Variants in CAPN3 observed in about 807,000 individuals in gnomAD.
The protein encoded by CAPN3 is calpain 3.
Under a neutral mutation model 114.0 loss-of-function variants are expected in CAPN3, and 88 were observed. The observed-to-expected ratio is 0.77, with a 90% CI of 0.65 to 0.92. The LOEUF is 0.92. Ranked by LOEUF, CAPN3 falls within the 40% of genes least tolerant of loss-of-function variation. The pLI, the probability that CAPN3 is intolerant of heterozygous loss-of-function variation, is 0.00. For missense variants in CAPN3, 1,028 were observed against 1,069.0 expected, an observed-to-expected ratio of 0.96 and a Z score of 0.53; for synonymous variants, 386 against 382.9, an observed-to-expected ratio of 1.01 and a Z score of -0.09.
chr15:42,395,527 G>A (rs1470006395), intron 8 of CAPN3, among the ~76,000 whole-genome samples: 2 of 152,184 alleles, frequency 1.3e-5, no homozygotes, highest in Non-Finnish European at 2.9e-5. Flanking sequence ...GGGAGGCGTA[G>A]AGAAAGGTTA....
chr15:42,394,449 C>A, intron 8 of CAPN3, 108 bp downstream of exon 8: 1 of 902,162 alleles, frequency 1.1e-6, no homozygotes, highest in Non-Finnish European at 1.8e-6. Context: ...GGTATAAAAT[C>A]ACCCTCAAAA....
chr15:42,408,839 T>C (rs1402126203), intron 16 of CAPN3: 1 of 281,320 alleles, frequency 3.6e-6, no homozygotes, highest in African/African-American at 2.2e-5. Flanking sequence ...GGGGCCCCTC[T>C]TCTATCCAGG....
At position 42,392,660 on chromosome 15, in the gene CAPN3, G is replaced by A; in HGVS notation, c.967G>A (p.Glu323Lys). The part of the protein sequence containing the change: ...PTRTIIPVQY[E>K]TRMACGLVRG... Reference sequence around the variant, plus strand: ...ACAGACAATCATTCCGGTTCAGTATGAGACAAGAATGGCCTGCGGGCTGGT... The same window carrying A: ...ACAGACAATCATTCCGGTTCAGTATAAGACAAGAATGGCCTGCGGGCTGGT... Residue 323 changes from glutamate to lysine, a missense_variant, in exon 7 of 24, where the codon GAG becomes AAG. By Grantham distance (56) the Glu-to-Lys change is moderately conservative (BLOSUM62 1). Coordinates refer to ENST00000397163, the MANE Select transcript of CAPN3 (RefSeq NM_000070.3). 6.2e-7 allele frequency: 1 copy of A among 1,613,978 alleles called. No homozygotes were observed. The highest frequency in any genetic ancestry group is 8.5e-7 in the Non-Finnish European group (1 of 1,179,880).
chr15:42,378,864 T>A, intron 1 of CAPN3, among the ~76,000 whole-genome samples: 1 of 152,206 alleles, frequency 6.6e-6, no homozygotes, highest in Admixed American at 6.5e-5. Context: ...AAAAACATTT[T>A]GTAAGTTCTT....
intron 1 of CAPN3, among the ~76,000 whole-genome samples, 171 bp downstream of exon 1, chr15:42,360,285 G>A (rs1358436282): frequency 6.6e-6 from 1 of 151,808 alleles, no homozygotes; most frequent in African/African-American, 2.4e-5. Context: ...ACAGGTCTCA[G>A]ATATTTCACC....
chr15:42,402,887 T>A lies in CAPN3; in HGVS notation c.1630T>A (p.Ser544Thr). ...SKTYINMREV[S>T]QRFRLPPSEY... ...AACCTACATCAACATGCGGGAGGTG[T>A]CCCAGCGCTTCCGCCTGCCTCCCAG... Residue 544 changes from serine to threonine, a missense_variant, in exon 13 of 24, where the codon TCC becomes ACC. Coordinates refer to ENST00000397163, the MANE Select transcript of CAPN3 (RefSeq NM_000070.3). 1 of 1,614,142 alleles carries A rather than the reference T, an allele frequency of 6.2e-7. No homozygotes were observed. The highest frequency in any genetic ancestry group is 8.5e-7 in the Non-Finnish European group (1 of 1,179,996).
intron 14 of CAPN3, chr15:42,404,285 C>T (rs868255061): frequency 2.4e-5 from 11 of 456,424 alleles, no homozygotes; most frequent in Middle Eastern, 3.2e-4. Flanking sequence ...TGTGAGGCTT[C>T]ATCAATGAGG....
chr15:42,409,142 C>G, intron 16 of CAPN3, 161 bp from the exon 17 acceptor site: 1 of 687,456 alleles, frequency 1.5e-6, no homozygotes, highest in South Asian at 1.6e-5. Context: ...GGCCTCGATG[C>G]ATCTCACTCC....
chr15:42,394,153 C>T (rs747173724), intron 7 of CAPN3, 103 bp from the exon 8 acceptor site: 11 of 1,043,602 alleles, frequency 1.1e-5, no homozygotes, highest in East Asian at 2.6e-5. Context: ...AACACCCTCG[C>T]GTAAGAGATT....
chr15:42,401,884 G>C, intron 11 of CAPN3, 74 bp downstream of exon 11: 1 of 1,515,544 alleles, frequency 6.6e-7, no homozygotes. Flanking sequence ...GCTTCTAGAG[G>C]GGCCCTCTGG....
chr15:42,392,649 C>T lies in CAPN3; in HGVS notation c.956C>T (p.Pro319Leu), dbSNP rs121434547. Residue 319 changes from proline (P) to leucine (L), a missense_variant, in exon 7 of 24, where the codon CCG (proline) becomes CTG (leucine). Coordinates refer to ENST00000397163, the MANE Select transcript of CAPN3 (RefSeq NM_000070.3). ...SDERPTRTII[P>L]VQYETRMACG... ...GTTACTGCTCTACAGACAATCATTC[C>T]GGTTCAGTATGAGACAAGAATGGCC... 1.9e-5 allele frequency: 31 copies of T among 1,613,198 alleles called. No homozygotes were observed. In the Middle Eastern group the frequency reaches 4.9e-4, roughly 26 times the overall value.
chr15:42,410,714 AGCAGGAATGGGAGGG>A, intron 21 of CAPN3, 48 bp downstream of exon 21: 1 of 1,523,720 alleles, frequency 6.6e-7, no homozygotes, highest in Non-Finnish European at 9.1e-7. Flanking sequence ...AGACGGTGGG[AGCAGGAATGGGAGGG>A]GACTAGGCTA....
intron 6 of CAPN3, among the ~76,000 whole-genome samples, chr15:42,390,788 T>C (rs545364267): frequency 3.3e-5 from 5 of 149,936 alleles, no homozygotes; most frequent in Non-Finnish European, 7.4e-5. Flanking sequence ...TTTTGTTTTT[T>C]TGTTTTTTTT....
intron 7 of CAPN3, among the ~76,000 whole-genome samples, chr15:42,393,047 C>G (rs950354736): frequency 1.3e-5 from 2 of 152,204 alleles, no homozygotes; most frequent in Non-Finnish European, 2.9e-5. Flanking sequence ...CCTGTTCTCT[C>G]GTGTTCAGAT....
intron 1 of CAPN3, among the ~76,000 whole-genome samples, chr15:42,364,510 G>A (rs114824588): frequency 0.017 from 2,531 of 152,316 alleles, 74 homozygotes; most frequent in African/African-American, 0.059. Context: ...CTACAGCAAT[G>A]TGTTTGAGTA....
chr15:42,386,591 T>C (rs1420341347), intron 3 of CAPN3, among the ~76,000 whole-genome samples: 2 of 152,142 alleles, frequency 1.3e-5, no homozygotes, highest in African/African-American at 2.4e-5. Flanking sequence ...CCTTCTCAAG[T>C]AGGTCCCTAA....
intron 1 of CAPN3, among the ~76,000 whole-genome samples, chr15:42,367,833 T>C (rs1043918045): frequency 6.6e-6 from 1 of 152,302 alleles, no homozygotes; most frequent in Middle Eastern, 3.4e-3. Context: ...TTTTCTCTCT[T>C]TTTTTTAAAC....
rs370047485 is a variant in CAPN3, at chr15:42,394,687, GGGAACAGTATTATTA to G, written c.1115+348_1115+362del. Among the ~76,000 whole-genome samples, 130 of 152,250 alleles carry G rather than the reference GGGAACAGTATTATTA, an allele frequency of 8.5e-4. 6 individuals carry two copies. In the East Asian group the frequency reaches 0.017, roughly 19 times the overall value. ...TCTTGTGTTGCCTTTCCTGTGAAAT[GGGAACAGTATTATTA>G]GCACTTACCTTGTGGGCTGATATGA... On this transcript the variant is annotated intron_variant, in intron 8 of 23. Coordinates refer to ENST00000397163, the MANE Select transcript of CAPN3 (RefSeq NM_000070.3).
chr15:42,392,694 AC>A lies in CAPN3; in HGVS notation c.1002del (p.His334GlnfsTer18). The A allele has an allele frequency of 6.2e-7, 1 of 1,614,004 alleles. No homozygotes were observed. The highest frequency in any genetic ancestry group is 8.5e-7 in the Non-Finnish European group (1 of 1,179,920). On this transcript the variant is annotated frameshift_variant, in exon 7 of 24. Coordinates refer to ENST00000397163, the MANE Select transcript of CAPN3 (RefSeq NM_000070.3). LOFTEE classifies it high-confidence loss of function. ...TRMACGLVRG[H>X]AYSVTGLDEV... Reference sequence around the variant, plus strand: ...ATGGCCTGCGGGCTGGTCAGAGGTCACGCCTACTCTGTCACGGGGCTGGATG... The same window carrying A: ...ATGGCCTGCGGGCTGGTCAGAGGTCAGCCTACTCTGTCACGGGGCTGGATG...
Sources: gnomAD v4.1 joint callset for allele counts (sites outside exome capture counted in the v4.1 genomes callset) on GRCh38, gnomAD v4.1.1 for gene constraint, MANE v1.5 for transcripts, NCBI Gene and HGNC (gene_info 2026-07-23, HGNC 2026-07-21) for gene names.